CAMSAP1: variants seen among roughly 807,000 people sequenced by gnomAD.
CAMSAP1 encodes the protein calmodulin regulated spectrin associated protein 1.
A neutral mutation model predicts 143.5 loss-of-function variants in CAMSAP1; 58 were observed. The observed-to-expected ratio is 0.40, with a 90% CI of 0.33 to 0.50. CAMSAP1 has a LOEUF of 0.50. CAMSAP1 is among the 20% of genes least tolerant of loss of function. The probability of loss-of-function intolerance (pLI) is 0.45; values close to 1 mark genes in which losing one functional copy is unlikely to be tolerated. For missense variants in CAMSAP1, 1,969 were observed against 2,115.7 expected (o/e 0.93, Z 1.36); for synonymous variants, 945 against 859.3 (o/e 1.10, Z -1.74).
intron 7 of CAMSAP1, among the ~76,000 whole-genome samples, chr9:135,829,614 G>A (rs1262703849): frequency 2.6e-5 from 4 of 152,164 alleles, no homozygotes; most frequent in East Asian, 1.9e-4. Flanking sequence ...AGTACTTTTC[G>A]AGGCCGAAGC....
At chr9:135,902,985 T>C (rs901457982) in intron 1 of CAMSAP1, among the ~76,000 whole-genome samples, 2 of 152,200 alleles carry the variant, frequency 1.3e-5, no homozygotes, top group Non-Finnish European at 2.9e-5. Flanking sequence ...TTGCAAAGAA[T>C]TGAGTGCATG....
At chr9:135,864,351 A>C (rs905650755) in intron 4 of CAMSAP1, among the ~76,000 whole-genome samples, 11 of 152,342 alleles carry the variant, frequency 7.2e-5, no homozygotes, top group Admixed American at 2.6e-4. Flanking sequence ...CTTTCTTCTT[A>C]TTAATATATT....
intron 7 of CAMSAP1, among the ~76,000 whole-genome samples, chr9:135,848,618 G>A (rs1215331867): frequency 6.6e-6 from 1 of 152,190 alleles, no homozygotes; most frequent in Non-Finnish European, 1.5e-5. Flanking sequence ...ATGTGATTCT[G>A]TGCCTTCATT....
At chr9:135,856,279 C>T (rs761631138) in intron 5 of CAMSAP1, among the ~76,000 whole-genome samples, 10 of 152,148 alleles carry the variant, frequency 6.6e-5, no homozygotes, top group Non-Finnish European at 1.0e-4. Context: ...TGTCACATGA[C>T]GGCGGCAAGA....
intron 7 of CAMSAP1, among the ~76,000 whole-genome samples, chr9:135,846,485 C>T (rs1352137385): frequency 5.9e-5 from 9 of 152,006 alleles, no homozygotes; most frequent in African/African-American, 2.2e-4. Flanking sequence ...GACTTCAAGA[C>T]TAAAAGAGCA....
At position 135,820,306 on chromosome 9, in the gene CAMSAP1, C is replaced by G. The variant is rs894087996; in HGVS notation, c.3822+533G>C. On this transcript the variant is annotated intron_variant, in intron 11 of 16. Coordinates refer to ENST00000389532, the MANE Select transcript of CAMSAP1 (RefSeq NM_015447.4). The surrounding 1 kb of genome is among the most constrained non-coding windows in gnomAD (Gnocchi z 4.4). ...TCATCTTAGGAGACAACGAACGTCA[C>G]AGCAAACATCATGTGACGCACTGAC... Among the ~76,000 whole-genome samples, 1 of 152,222 alleles carries G rather than the reference C, an allele frequency of 6.6e-6. No homozygotes were observed. Among genetic ancestry groups the G allele is most frequent in the Non-Finnish European group, 1.5e-5 (1 of 68,030 alleles).
chr9:135,898,448 T>C (rs1838521572), intron 1 of CAMSAP1, among the ~76,000 whole-genome samples: 1 of 152,160 alleles, frequency 6.6e-6, no homozygotes, highest in Admixed American at 6.5e-5. Flanking sequence ...AGTTCCAAAC[T>C]AGTCTGGGCA....
At chr9:135,904,964 CAA>C (rs1299738351) in intron 1 of CAMSAP1, among the ~76,000 whole-genome samples, 17 of 107,820 alleles carry the variant, frequency 1.6e-4, no homozygotes, top group Admixed American at 2.0e-4. Context: ...GACTCCGTCT[CAA>C]AAAAAAAAAA....
At chr9:135,867,000 A>T (rs1837400292) in intron 3 of CAMSAP1, among the ~76,000 whole-genome samples, 1 of 152,252 alleles carries the variant, frequency 6.6e-6, no homozygotes, top group Non-Finnish European at 1.5e-5. Context: ...TAAAAGTTTA[A>T]CTATACACCC....
chr9:135,864,579 C>T (rs1478569360), intron 4 of CAMSAP1, among the ~76,000 whole-genome samples: 3 of 152,220 alleles, frequency 2.0e-5, no homozygotes, highest in African/African-American at 7.2e-5. Flanking sequence ...AAAGGCACCA[C>T]TGGCACCAAG....
At chr9:135,867,576 G>A (rs1258004114) in intron 3 of CAMSAP1, among the ~76,000 whole-genome samples, 5 of 151,144 alleles carry the variant, frequency 3.3e-5, no homozygotes, top group African/African-American at 2.4e-5. Flanking sequence ...GAGGAAAGTC[G>A]AAGCCACTAA....
At chr9:135,886,135 TAA>T (rs1430172465) in intron 1 of CAMSAP1, among the ~76,000 whole-genome samples, 1 of 152,082 alleles carries the variant, frequency 6.6e-6, no homozygotes, top group Non-Finnish European at 1.5e-5. Flanking sequence ...TACAAACCAG[TAA>T]GACTGTTAGA....
chr9:135,880,705 G>A (rs1184928049), intron 3 of CAMSAP1, among the ~76,000 whole-genome samples: 1 of 152,170 alleles, frequency 6.6e-6, no homozygotes, highest in African/African-American at 2.4e-5. Context: ...ACCATCCTGC[G>A]TGAGCCTCTT....
In CAMSAP1 at chr9:135,808,673, A is replaced by G. The variant is rs979490787; in HGVS notation, c.*2636T>C. 1.3e-5 allele frequency: 2 copies of G among 152,272 alleles called. No individual in the cohort carries two copies. Among genetic ancestry groups the G allele is most frequent in the African/African-American group, 4.8e-5 (2 of 41,480 alleles). 9.4% of individuals were successfully genotyped at this position (152,272 alleles called of 1,614,324 possible). ...GAGACTGCACCGCAGTGACACGTGC[A>G]GAAAGTCAAAAGGACACATGGAAAG... On this transcript the variant is annotated 3_prime_UTR_variant, in exon 17 of 17. Coordinates refer to ENST00000389532, the MANE Select transcript of CAMSAP1 (RefSeq NM_015447.4).
At chr9:135,823,892 A>C in intron 10 of CAMSAP1, 58 bp downstream of exon 10, 2 of 1,354,084 alleles carry the variant, frequency 1.5e-6, no homozygotes, top group Non-Finnish European at 1.0e-6. Context: ...CATCTTAAGA[A>C]CTGCTGTTTA....
At chr9:135,863,998 A>T (rs745403437) in intron 4 of CAMSAP1, among the ~76,000 whole-genome samples, 1 of 152,218 alleles carries the variant, frequency 6.6e-6, no homozygotes, top group African/African-American at 2.4e-5. Context: ...CTGCCTTGCA[A>T]ATCAGGTGCT....
intron 14 of CAMSAP1, among the ~76,000 whole-genome samples, chr9:135,817,347 T>C (rs1294399406): frequency 6.6e-6 from 1 of 152,194 alleles, no homozygotes; most frequent in Non-Finnish European, 1.5e-5. Context: ...TATTTAAGCA[T>C]AAAAGGCCAG....
intron 7 of CAMSAP1, chr9:135,836,365 C>T: frequency 2.0e-6 from 2 of 983,586 alleles, no homozygotes; most frequent in Non-Finnish European, 2.4e-6. Context: ...TCACCACATA[C>T]CTTCTACCCT....
At chr9:135,860,597 C>CAAAAA (rs35415924) in intron 5 of CAMSAP1, among the ~76,000 whole-genome samples, 6 of 62,050 alleles carry the variant, frequency 9.7e-5, no homozygotes, top group African/African-American at 3.2e-4. Context: ...GACTCTGCCT[C>CAAAAA]AAAAAAAAAA....
Sources: allele counts gnomAD v4.1 joint callset (sites outside exome capture counted in the v4.1 genomes callset), GRCh38; gene constraint gnomAD v4.1.1; non-coding constraint Gnocchi (gnomAD v3.1); transcripts MANE v1.5; gene names NCBI Gene and HGNC (gene_info 2026-07-23, HGNC 2026-07-21).